ADAMTS9: variants seen among roughly 807,000 people sequenced by gnomAD.
ADAMTS9 encodes A disintegrin and metalloproteinase with thrombospondin motifs 9.
In ADAMTS9, 107 loss-of-function variants were observed where a neutral mutation model predicts 257.1. The ratio of observed to expected loss-of-function variants is 0.42; its 90% confidence interval spans 0.36 to 0.49. The LOEUF (loss-of-function observed/expected upper bound fraction) is 0.49. Ranked by LOEUF, ADAMTS9 falls within the 20% of genes least tolerant of loss-of-function variation. The probability of loss-of-function intolerance (pLI) is 0.03; values close to 1 mark genes in which losing one functional copy is unlikely to be tolerated. For synonymous variants in ADAMTS9, 982 were observed against 880.9 expected (o/e 1.11, Z -2.03); for missense variants, 2,353 against 2,469.1 (o/e 0.95, Z 1.00).
In ADAMTS9 at chr3:64,643,445, A is replaced by ATTTTTTTTTTTTTTTTTT. The variant is rs57471985; in HGVS notation, c.1711-1470_1711-1453dup. ...GTAGTCAACATAACATTACTCAATA[A>ATTTTTTTTTTTTTTTTTT]TTTTTTTTTTTTTTTTTTTTTTTTT... On this transcript the variant is annotated intron_variant, in intron 11 of 39. Transcript: ENST00000498707. Among the ~76,000 whole-genome samples the ATTTTTTTTTTTTTTTTTT allele has an allele frequency of 1.2e-3, 74 of 61,412 alleles. 11 individuals are homozygous for ATTTTTTTTTTTTTTTTTT. Among genetic ancestry groups the ATTTTTTTTTTTTTTTTTT allele is most frequent in the Admixed American group, 1.4e-3 (6 of 4,244 alleles). 40.3% of individuals were successfully genotyped at this position (61,412 alleles called of 152,430 possible). A position where few individuals can be genotyped will look rare whatever the true frequency, so the allele number is the denominator to read the frequency against.
At position 64,558,238 on chromosome 3, in the gene ADAMTS9, G is replaced by A. The variant is rs149892923; in HGVS notation, c.4698+3340C>T. 1.2e-3 allele frequency among the ~76,000 whole-genome samples: 183 copies of A among 152,178 alleles called. 1 individual carries two copies. Among genetic ancestry groups the A allele is most frequent in the African/African-American group, 4.2e-3 (174 of 41,500 alleles). On this transcript the variant is annotated intron_variant, in intron 30 of 39. Transcript: ENST00000498707. Reference sequence around the variant, plus strand: ...TGTAGGTGCCAGCGTGCAAGCTTCCGGGCTTCAAATTCCAGCCATATTATT... The same window carrying A: ...TGTAGGTGCCAGCGTGCAAGCTTCCAGGCTTCAAATTCCAGCCATATTATT...
intron 28 of ADAMTS9, among the ~76,000 whole-genome samples, chr3:64,571,261 T>C (rs1485151677): frequency 6.6e-6 from 1 of 152,168 alleles, no homozygotes. Context: ...ATCATCCCAA[T>C]AACCCAGTGA....
Position 64,633,776 on chromosome 3 carries a change from A to G in ADAMTS9, c.1960T>C (p.Cys654Arg). 6.2e-7 allele frequency: 1 copy of G among 1,613,040 alleles called. No homozygotes were observed. The highest frequency in any genetic ancestry group is 1.7e-5 in the Admixed American group (1 of 59,838). The change falls in exon 13 of 40, where the codon TGT becomes CGT. Residue 654 changes from cysteine (C) to arginine (R), a missense_variant. Cys to Arg is a radical substitution (Grantham distance 180). Around this residue, in one of 3 missense-constraint regions of ADAMTS9, gnomAD observed 360 missense variants for 458.1 expected, o/e 0.79. Coordinates refer to ENST00000498707, the MANE Select transcript of ADAMTS9 (RefSeq NM_182920.2). ...KQKRDFRDEQ[C>R]AHFDGKHFNI... Reference sequence around the variant, plus strand: ...AAATGCTTCCCGTCAAAGTGAGCACACTGTTCATCTCGGAAGTCTCGCTTC... The same window carrying G: ...AAATGCTTCCCGTCAAAGTGAGCACGCTGTTCATCTCGGAAGTCTCGCTTC...
At chr3:64,654,785 G>T in intron 6 of ADAMTS9, 173 bp from the exon 7 acceptor site, 1 of 639,542 alleles carries the variant, frequency 1.6e-6, no homozygotes, top group Non-Finnish European at 2.7e-6. Context: ...TGGAATTGTT[G>T]ATTTAAGAAT....
chr3:64,653,266 G>T (rs1017468132), intron 8 of ADAMTS9, among the ~76,000 whole-genome samples: 1 of 152,204 alleles, frequency 6.6e-6, no homozygotes, highest in African/African-American at 2.4e-5. Flanking sequence ...TTTCACAAAA[G>T]TGCCTCAGAA....
At chr3:64,623,775 T>C (rs556284926) in intron 16 of ADAMTS9, among the ~76,000 whole-genome samples, 1 of 152,326 alleles carries the variant, frequency 6.6e-6, no homozygotes, top group Admixed American at 6.5e-5. Context: ...AGACCCATGA[T>C]GGTAAGAATG....
At chr3:64,659,256 C>T (rs1374266470) in intron 3 of ADAMTS9, among the ~76,000 whole-genome samples, 1 of 152,072 alleles carries the variant, frequency 6.6e-6, no homozygotes, top group Non-Finnish European at 1.5e-5. Flanking sequence ...TTTCATGAGG[C>T]CAGGAGTTTG....
Position 64,655,783 on chromosome 3 carries a change from C to A in ADAMTS9, c.1053+9G>T. On this transcript the variant is annotated intron_variant, in intron 5 of 39. Transcript: ENST00000498707. ...ACAGATAGAAGAAAAAAGAAAAAAA[C>A]TTTATTACCTGTTCATTATGAATCA... 1 of 1,569,004 alleles carries A rather than the reference C, an allele frequency of 6.4e-7. No individual in the cohort carries two copies. The highest frequency in any genetic ancestry group is 8.6e-7 in the Non-Finnish European group (1 of 1,157,914).
At chr3:64,582,793 T>C (rs557696512) in intron 28 of ADAMTS9, 2 of 152,222 alleles carry the variant, frequency 1.3e-5, no homozygotes, top group Admixed American at 6.5e-5. Flanking sequence ...CTATTCACAA[T>C]CCATGGAACA....
At chr3:64,550,642 C>T (rs1328590515) in intron 31 of ADAMTS9, 1 of 485,632 alleles carries the variant, frequency 2.1e-6, no homozygotes, top group East Asian at 3.4e-5. Flanking sequence ...GCCAATAGGA[C>T]ATCAAGGTGA....
rs1559802399 is a variant in ADAMTS9, at chr3:64,633,813, T to A, written c.1923A>T (p.Pro641=). The A allele has an allele frequency of 6.2e-7, 1 of 1,613,434 alleles. No homozygotes were observed. The highest frequency in any genetic ancestry group is 2.2e-5 in the East Asian group (1 of 44,776). Residue 641 remains proline (P), a synonymous_variant, in exon 13 of 40, where the codon CCA becomes CCT. Coordinates refer to ENST00000498707, the MANE Select transcript of ADAMTS9 (RefSeq NM_182920.2). ...GGAAGTCTCGCTTCTGCTTGAGACA[T>A]GGCTCCGTGTTGCAGGACTTAAATT... is the stretch of plus-strand genomic sequence containing the variant. ...RMKFKSCNTE[P]CLKQKRDFRD...
At chr3:64,587,316 C>A (rs563278543) in intron 28 of ADAMTS9, 1 of 152,178 alleles carries the variant, frequency 6.6e-6, no homozygotes, top group Non-Finnish European at 1.5e-5. Flanking sequence ...ATGTGGAATA[C>A]GGTTTTTCTC....
At chr3:64,637,995 AATTC>A (rs1700542770) in intron 12 of ADAMTS9, among the ~76,000 whole-genome samples, 1 of 152,202 alleles carries the variant, frequency 6.6e-6, no homozygotes, top group South Asian at 2.1e-4. Flanking sequence ...CCAAATGAGA[AATTC>A]ATTTTTTTGG....
intron 30 of ADAMTS9, among the ~76,000 whole-genome samples, chr3:64,553,583 T>C (rs533285411): frequency 6.6e-6 from 1 of 152,300 alleles, no homozygotes; most frequent in East Asian, 1.9e-4. Context: ...TGCTGGGTCA[T>C]ATAGTATGCC....
chr3:64,541,999 G>A, intron 32 of ADAMTS9, 29 bp from the exon 33 acceptor site: 1 of 1,613,394 alleles, frequency 6.2e-7, no homozygotes, highest in East Asian at 2.2e-5. Flanking sequence ...TCAGCGGTGT[G>A]GCTATGGAAT....
rs551193959 is a variant in ADAMTS9 at position 64,602,141 on chromosome 3, C to G, written c.3820G>C (p.Asp1274His). The change falls in exon 26 of 40, where the codon GAT (aspartate) becomes CAT (histidine). Residue 1274 changes from aspartate (D) to histidine (H), a missense_variant. Around this residue, in one of 3 missense-constraint regions of ADAMTS9, gnomAD observed 1,402 missense variants for 1,441.4 expected, o/e 0.97. Transcript: ENST00000498707. Reference sequence around the variant, plus strand: ...TAATCCTGGTCACACTCACTCCGATCGATCACGTGGTCACTGTAGTTGACA... The same window carrying G: ...TAATCCTGGTCACACTCACTCCGATGGATCACGTGGTCACTGTAGTTGACA... ...MCVNYSDHVI[D>H]RSECDQDYIP... 3 of 1,614,110 alleles carry G rather than the reference C, an allele frequency of 1.9e-6. No homozygotes were observed. In the South Asian group the frequency reaches 3.3e-5, roughly 18 times the overall value.
intron 28 of ADAMTS9, among the ~76,000 whole-genome samples, chr3:64,584,765 C>A (rs536256307): frequency 7.2e-5 from 11 of 152,220 alleles, no homozygotes; most frequent in Admixed American, 1.3e-4. Context: ...ATCTCTCTCT[C>A]TATATGCTAT....
intron 38 of ADAMTS9, among the ~76,000 whole-genome samples, chr3:64,525,109 C>T (rs2082894244): frequency 6.6e-6 from 1 of 152,186 alleles, no homozygotes; most frequent in Non-Finnish European, 1.5e-5. Flanking sequence ...TCCATTATGA[C>T]AAGACCAATA....
Position 64,611,578 on chromosome 3 carries a change from T to C in ADAMTS9, c.3354+1767A>G, listed in dbSNP as rs143488461. Among the ~76,000 whole-genome samples, 35 of 149,478 alleles carry C rather than the reference T, an allele frequency of 2.3e-4. 1 individual carries two copies. The highest frequency in any genetic ancestry group is 8.3e-4 in the African/African-American group (34 of 41,036). ...AGACATCTTCCACAGATGGGGTGGG[T>C]GGGGGTGGTTTTGGGATGAAACTGT... On this transcript the variant is annotated intron_variant, in intron 22 of 39. Coordinates refer to ENST00000498707, the MANE Select transcript of ADAMTS9 (RefSeq NM_182920.2).
Sources: allele counts gnomAD v4.1 joint callset (sites outside exome capture counted in the v4.1 genomes callset), GRCh38; gene constraint gnomAD v4.1.1; regional missense constraint gnomAD v4.1.1; transcripts MANE v1.5; gene names NCBI Gene and HGNC (gene_info 2026-07-23, HGNC 2026-07-21).